The following APH1B variants were observed in gnomAD, a reference collection of about 807,000 sequenced individuals.
APH1B encodes aph-1B gamma-secretase subunit, also known as gamma-secretase subunit APH-1B.
Under a neutral mutation model 28.2 loss-of-function variants are expected in APH1B, and 27 were observed. The ratio of observed to expected loss-of-function variants is 0.96; its 90% CI spans 0.70 to 1.32. The LOEUF is 1.32. Among genes scored for constraint, APH1B ranks in the 40% most tolerant of loss-of-function variants. The pLI, the probability that APH1B is intolerant of heterozygous loss-of-function variation, is 0.00. For missense variants in APH1B, 305 were observed against 313.6 expected, an observed-to-expected ratio of 0.97 and a Z score of 0.21; for synonymous variants, 141 against 124.6, an observed-to-expected ratio of 1.13 and a Z score of -0.88.
intron 5 of APH1B, among the ~76,000 whole-genome samples, chr15:63,305,278 C>T (rs1183080908): frequency 6.6e-6 from 1 of 152,242 alleles, no homozygotes; most frequent in African/African-American, 2.4e-5. Flanking sequence ...TTGGAGTTGT[C>T]TCACTTTCTT....
rs2038684999 is a variant in APH1B, at chr15:63,306,051, G to C, written c.*270G>C. On this transcript the variant is annotated 3_prime_UTR_variant, in exon 6 of 6. Coordinates refer to ENST00000261879, the MANE Select transcript of APH1B (RefSeq NM_031301.4). ...CAGAGCTAATTGGCCTGGGCACGTGGTGAGTTTTAAAAGCTTCCCAGGTGA... is the reference window on the plus strand; with the variant it reads ...CAGAGCTAATTGGCCTGGGCACGTGCTGAGTTTTAAAAGCTTCCCAGGTGA... 2 of 357,024 alleles carry C rather than the reference G, an allele frequency of 5.6e-6. No individual in the cohort carries two copies. The highest frequency in any genetic ancestry group is 5.1e-6 in the Non-Finnish European group (1 of 196,970). The allele number at this position is 357,024 out of a possible 1,614,324, so 22.1% of individuals were successfully genotyped here. A position where few individuals can be genotyped will look rare whatever the true frequency, so the allele number is the denominator to read the frequency against.
chr15:63,279,940 G>C (rs917418832), intron 2 of APH1B, among the ~76,000 whole-genome samples: 1 of 151,954 alleles, frequency 6.6e-6, no homozygotes, highest in Non-Finnish European at 1.5e-5. Context: ...TGGGATTACA[G>C]GTGTGCACCA....
intron 4 of APH1B, among the ~76,000 whole-genome samples, chr15:63,294,170 A>G (rs2038538782): frequency 6.6e-6 from 1 of 151,910 alleles, no homozygotes; most frequent in African/African-American, 2.4e-5. Context: ...TCCTGTAGAT[A>G]TGATTGCATG....
At chr15:63,284,510 G>GT in intron 2 of APH1B, among the ~76,000 whole-genome samples, 1 of 152,176 alleles carries the variant, frequency 6.6e-6, no homozygotes, top group South Asian at 2.1e-4. Context: ...CACTGCGCCT[G>GT]GCCAATATGT....
At chr15:63,279,689 T>C (rs2038364557) in intron 2 of APH1B, among the ~76,000 whole-genome samples, 1 of 152,016 alleles carries the variant, frequency 6.6e-6, no homozygotes, top group African/African-American at 2.4e-5. Flanking sequence ...ACTGGTATAG[T>C]AGGTAAGTGT....
chr15:63,298,932 G>A (rs905328758), intron 4 of APH1B, among the ~76,000 whole-genome samples: 1 of 151,362 alleles, frequency 6.6e-6, no homozygotes, highest in African/African-American at 2.4e-5. Flanking sequence ...TAGGTGTTAG[G>A]AAATAATTTA....
intron 4 of APH1B, among the ~76,000 whole-genome samples, chr15:63,294,754 C>A (rs1260780798): frequency 6.6e-6 from 1 of 152,116 alleles, no homozygotes; most frequent in Admixed American, 6.5e-5. Flanking sequence ...TATTCGAAAC[C>A]CTCACCAAAG....
At chr15:63,291,819 C>T (rs1295446774) in intron 4 of APH1B, 2 of 152,176 alleles carry the variant, frequency 1.3e-5, no homozygotes, top group Non-Finnish European at 2.9e-5. Flanking sequence ...ATGATTGGAC[C>T]TTCCTTCTTG....
At chr15:63,280,579 C>T (rs939274961) in intron 2 of APH1B, among the ~76,000 whole-genome samples, 2 of 152,078 alleles carry the variant, frequency 1.3e-5, no homozygotes, top group Non-Finnish European at 2.9e-5. Context: ...ATTCCCTTTT[C>T]GTAATGAAGG....
intron 4 of APH1B, among the ~76,000 whole-genome samples, chr15:63,301,644 T>C (rs2038629028): frequency 6.6e-6 from 1 of 151,992 alleles, no homozygotes; most frequent in Admixed American, 6.6e-5. Flanking sequence ...TACAGTGGCA[T>C]GATCTCAGCT....
intron 4 of APH1B, among the ~76,000 whole-genome samples, chr15:63,296,137 C>T (rs2038564525): frequency 6.6e-6 from 1 of 152,176 alleles, no homozygotes; most frequent in Non-Finnish European, 1.5e-5. Flanking sequence ...TTTTCAAAAG[C>T]ATTCATTCAG....
At chr15:63,279,354 C>G in intron 2 of APH1B, 23 bp downstream of exon 2, 12 of 1,565,526 alleles carry the variant, frequency 7.7e-6, no homozygotes, top group Non-Finnish European at 8.7e-6. Context: ...CCTGCCTTAC[C>G]TTTTTTTTCC....
Position 63,281,115 on chromosome 15 carries a change from G to C in APH1B, c.284+1784G>C, listed in dbSNP as rs532664450. ...TGCACCACTGTGCTCCATTCTGGGA[G>C]ACAGAGCCAGACCCTGTCTAAAAAA... On this transcript the variant is annotated intron_variant, in intron 2 of 5. Transcript: ENST00000261879. Among the ~76,000 whole-genome samples the C allele has an allele frequency of 1.3e-4, 19 of 151,848 alleles. No homozygotes were observed. In the South Asian group the frequency reaches 4.0e-3, roughly 32 times the overall value.
intron 2 of APH1B, among the ~76,000 whole-genome samples, chr15:63,285,958 G>A (rs1177941965): frequency 6.6e-6 from 1 of 152,218 alleles, no homozygotes; most frequent in Non-Finnish European, 1.5e-5. Context: ...ACTCGTGAGA[G>A]TTCAGACCAT....
intron 2 of APH1B, among the ~76,000 whole-genome samples, chr15:63,285,233 T>A (rs2038433292): frequency 6.6e-6 from 1 of 152,220 alleles, no homozygotes; most frequent in African/African-American, 2.4e-5. Context: ...CAATGATATT[T>A]ATATTTATGT....
At chr15:63,294,050 C>T (rs189110566) in intron 4 of APH1B, among the ~76,000 whole-genome samples, 178 of 152,178 alleles carry the variant, frequency 1.2e-3, no homozygotes, top group South Asian at 4.1e-3. Context: ...GCCACTGCTG[C>T]TTTTAATTTT....
intron 2 of APH1B, among the ~76,000 whole-genome samples, chr15:63,279,867 A>G (rs182668852): frequency 8.1e-5 from 12 of 148,228 alleles, no homozygotes; most frequent in Non-Finnish European, 1.3e-4. Context: ...GTGCAATCTC[A>G]GCTCACGGCA....
chr15:63,294,523 AGGT>A (rs1281543426), intron 4 of APH1B, among the ~76,000 whole-genome samples: 1 of 152,210 alleles, frequency 6.6e-6, no homozygotes, highest in African/African-American at 2.4e-5. Flanking sequence ...GACAGTCGTA[AGGT>A]TCACGTCAGG....
rs1170372766 is a variant in APH1B at position 63,290,152 on chromosome 15, A to G, written c.478+2606A>G. 2.0e-5 allele frequency among the ~76,000 whole-genome samples: 3 copies of G among 152,200 alleles called. No individual in the cohort carries two copies. The East Asian group carries it at 5.8e-4, about 29-fold the overall frequency. ...ATAAGGGATATTCAGCCTGTAGTAT[A>G]TATCTGTCTATATTAGTATGTGTTA... On this transcript the variant is annotated intron_variant, in intron 4 of 5. Transcript: ENST00000261879.
Sources: allele counts gnomAD v4.1 joint callset (sites outside exome capture counted in the v4.1 genomes callset), GRCh38; gene constraint gnomAD v4.1.1; transcripts MANE v1.5; gene names NCBI Gene and HGNC (gene_info 2026-07-23, HGNC 2026-07-21).